The following GAREM1 variants were observed in gnomAD, a reference collection of about 807,000 sequenced individuals.
GAREM1 encodes GRB2 associated regulator of MAPK1 subtype 1, also known as GRB2-associated and regulator of MAPK protein 1.
GAREM1 carries 26 observed loss-of-function variants against 71.3 expected under a neutral mutation model. The ratio of observed to expected loss-of-function variants is 0.36; its 90% CI spans 0.27 to 0.51. GAREM1 has a LOEUF of 0.51. GAREM1 is among the 20% of genes least tolerant of loss of function. The pLI, the probability that GAREM1 is intolerant of heterozygous loss-of-function variation, is 0.95. For synonymous variants in GAREM1, 440 were observed against 433.2 expected, an observed-to-expected ratio of 1.02 and a Z score of -0.20; for missense variants, 1,026 against 1,103.1, an observed-to-expected ratio of 0.93 and a Z score of 0.99.
chr18:32,430,698 T>C (rs1197352799), intron 1 of GAREM1, among the ~76,000 whole-genome samples: 1 of 152,158 alleles, frequency 6.6e-6, no homozygotes, highest in Non-Finnish European at 1.5e-5. Context: ...CTTCAAGCAA[T>C]CCACAAGTAA....
At chr18:32,306,936 TCAGG>T (rs1184304884) in intron 3 of GAREM1, among the ~76,000 whole-genome samples, 3 of 152,090 alleles carry the variant, frequency 2.0e-5, no homozygotes, top group Non-Finnish European at 4.4e-5. Flanking sequence ...ATGGGGCCAA[TCAGG>T]CAGATAGTTT....
chr18:32,398,525 A>T (rs1048070307), intron 1 of GAREM1, among the ~76,000 whole-genome samples: 1 of 152,216 alleles, frequency 6.6e-6, no homozygotes, highest in Non-Finnish European at 1.5e-5. Flanking sequence ...ACCATCAGAG[A>T]ATACTATAAA....
At chr18:32,380,704 T>A (rs2048088199) in intron 2 of GAREM1, among the ~76,000 whole-genome samples, 1 of 152,138 alleles carries the variant, frequency 6.6e-6, no homozygotes, top group Admixed American at 6.5e-5. Context: ...TTCAGCAACT[T>A]CCTTGGCTTC....
At chr18:32,316,179 A>C (rs1322671706) in intron 2 of GAREM1, among the ~76,000 whole-genome samples, 2 of 152,220 alleles carry the variant, frequency 1.3e-5, no homozygotes, top group Non-Finnish European at 2.9e-5. Flanking sequence ...ATTAACACAC[A>C]CAGATAAGAG....
rs527759628 is a variant in GAREM1 at position 32,350,992 on chromosome 18, GAA to G, written c.263-40671_263-40670del. ...ACAAATACTGGCAAAATGTTATGTA[GAA>G]AAAGTTGACTTGAATTTTTCTAGGA... On this transcript the variant is annotated intron_variant, in intron 2 of 5. Coordinates refer to ENST00000269209, the MANE Select transcript of GAREM1 (RefSeq NM_001242409.2). 7.2e-3 allele frequency among the ~76,000 whole-genome samples: 1,097 copies of G among 152,186 alleles called. 5 individuals carry two copies. Among genetic ancestry groups the G allele is most frequent in the Non-Finnish European group, 0.011 (759 of 67,956 alleles).
chr18:32,463,695 G>A (rs919156739), intron 1 of GAREM1, among the ~76,000 whole-genome samples: 2 of 150,070 alleles, frequency 1.3e-5, no homozygotes, highest in African/African-American at 4.9e-5. Flanking sequence ...TCAGCCTCCC[G>A]AGTAGCTGGG....
In GAREM1 at chr18:32,341,283, C is replaced by T. The variant is rs1409564596; in HGVS notation, c.263-30960G>A. Among the ~76,000 whole-genome samples the T allele has an allele frequency of 5.3e-5, 8 of 152,292 alleles. No homozygotes were observed. In the East Asian group the frequency reaches 1.4e-3, roughly 26 times the overall value. On this transcript the variant is annotated intron_variant, in intron 2 of 5. Coordinates refer to ENST00000269209, the MANE Select transcript of GAREM1 (RefSeq NM_001242409.2). ...TGAGAATGATGGTTTCCAGCTTCAT[C>T]CATGTCCCTACAAAGGACATGAACT... is the stretch of plus-strand genomic sequence containing the variant.
intron 1 of GAREM1, among the ~76,000 whole-genome samples, chr18:32,427,894 C>T (rs1190790265): frequency 2.6e-5 from 4 of 151,548 alleles, no homozygotes; most frequent in African/African-American, 7.3e-5. Context: ...ACTTCCAACA[C>T]ACAATAGCAT....
At chr18:32,343,886 C>T (rs1348381719) in intron 2 of GAREM1, among the ~76,000 whole-genome samples, 1 of 152,106 alleles carries the variant, frequency 6.6e-6, no homozygotes, top group East Asian at 1.9e-4. Flanking sequence ...AGGCACCCCC[C>T]ACTCCCAGCT....
chr18:32,380,498 A>G (rs967621296), intron 2 of GAREM1, among the ~76,000 whole-genome samples: 38 of 149,652 alleles, frequency 2.5e-4, no homozygotes, highest in African/African-American at 7.6e-4. Flanking sequence ...AAAAAAAAAA[A>G]GCAAGAAATC....
rs193266385 is a variant in GAREM1 at position 32,372,596 on chromosome 18, G to T, written c.262+20299C>A. ...AAGAGTGACACCCAGTGAGTCATCAGAAAGGGACAAGTCCCACCCTGTGGA... is the reference window on the plus strand; with the variant it reads ...AAGAGTGACACCCAGTGAGTCATCATAAAGGGACAAGTCCCACCCTGTGGA... On this transcript the variant is annotated intron_variant, in intron 2 of 5. Coordinates refer to ENST00000269209, the MANE Select transcript of GAREM1 (RefSeq NM_001242409.2). Among the ~76,000 whole-genome samples the T allele has an allele frequency of 3.0e-3, 463 of 152,324 alleles. 4 individuals carry two copies. The highest frequency in any genetic ancestry group is 0.011 in the African/African-American group (441 of 41,582).
intron 1 of GAREM1, among the ~76,000 whole-genome samples, chr18:32,427,168 A>G (rs1388613609): frequency 6.6e-6 from 1 of 152,160 alleles, no homozygotes; most frequent in Non-Finnish European, 1.5e-5. Context: ...GCAAATCAAT[A>G]AAAGAGATAT....
At chr18:32,297,925 T>C (rs1183124311) in intron 3 of GAREM1, among the ~76,000 whole-genome samples, 1 of 152,202 alleles carries the variant, frequency 6.6e-6, no homozygotes, top group East Asian at 1.9e-4. Flanking sequence ...TTTCCTAATT[T>C]ATCTTTATAA....
chr18:32,325,999 T>C (rs1406707000), intron 2 of GAREM1, among the ~76,000 whole-genome samples: 2 of 152,208 alleles, frequency 1.3e-5, no homozygotes, highest in African/African-American at 4.8e-5. Context: ...GTAATCATGC[T>C]ATTATTCTGA....
At chr18:32,289,974 T>TACCCACTACGCCCGGC (rs2047064411) in intron 3 of GAREM1, among the ~76,000 whole-genome samples, 1 of 150,754 alleles carries the variant, frequency 6.6e-6, no homozygotes, top group African/African-American at 2.5e-5. Flanking sequence ...GGTGGCTTAT[T>TACCCACTACGCCCGGC]TAAGGTAGGT....
chr18:32,392,873 T>G, intron 2 of GAREM1, 22 bp downstream of exon 2: 1 of 1,607,820 alleles, frequency 6.2e-7, no homozygotes, highest in African/African-American at 1.3e-5. Flanking sequence ...CTGCCTCATC[T>G]TGGCCCTTGG....
At chr18:32,369,147 G>A (rs1330690415) in intron 2 of GAREM1, among the ~76,000 whole-genome samples, 5 of 152,208 alleles carry the variant, frequency 3.3e-5, no homozygotes, top group Non-Finnish European at 2.9e-5. Context: ...GAGAGTGAGT[G>A]AGTGAAAGGC....
intron 3 of GAREM1, among the ~76,000 whole-genome samples, chr18:32,294,404 G>T (rs1160322430): frequency 6.6e-6 from 1 of 152,092 alleles, no homozygotes; most frequent in South Asian, 2.1e-4. Flanking sequence ...TATTATTCTT[G>T]GAACAATTCT....
At chr18:32,339,558 C>T (rs185677786) in intron 2 of GAREM1, among the ~76,000 whole-genome samples, 1 of 152,290 alleles carries the variant, frequency 6.6e-6, no homozygotes, top group East Asian at 1.9e-4. Flanking sequence ...TCTGGACCAC[C>T]TCATTCACAC....
Sources: gnomAD v4.1 joint callset for allele counts (sites outside exome capture counted in the v4.1 genomes callset) on GRCh38, gnomAD v4.1.1 for gene constraint, MANE v1.5 for transcripts, NCBI Gene and HGNC (gene_info 2026-07-23, HGNC 2026-07-21) for gene names.